Variants in TAMM41 observed in about 807,000 individuals in gnomAD.
The protein encoded by TAMM41 is phosphatidate cytidylyltransferase, mitochondrial.
Under a neutral mutation model 44.1 loss-of-function variants are expected in TAMM41, and 36 were observed. The ratio of observed to expected loss-of-function variants is 0.82; its 90% confidence interval spans 0.63 to 1.08. The LOEUF is 1.08. TAMM41 is among the 50% of genes least tolerant of loss of function. The pLI, the probability that TAMM41 is intolerant of heterozygous loss-of-function variation, is 0.00. For synonymous variants in TAMM41, 164 were observed against 153.1 expected, an observed-to-expected ratio of 1.07 and a Z score of -0.53; for missense variants, 417 against 404.3, an observed-to-expected ratio of 1.03 and a Z score of -0.27.
intron 7 of TAMM41, 100 bp from the exon 8 acceptor site, chr3:11,790,681 C>T (rs1160193228): frequency 9.9e-6 from 10 of 1,014,564 alleles, no homozygotes; most frequent in Non-Finnish European, 1.4e-5. Flanking sequence ...TGGAGGAGGG[C>T]AGTGAGGGGC....
chr3:11,817,486 CT>C, intron 4 of TAMM41, 149 bp from the exon 5 acceptor site: 1 of 742,820 alleles, frequency 1.3e-6, no homozygotes, highest in Non-Finnish European at 2.0e-6. Flanking sequence ...AACCTGGACA[CT>C]TTACCCCAAG....
At chr3:11,778,379 T>C in the TAMM41 span, among the ~76,000 whole-genome samples, 363 of 152,188 alleles carry the variant, frequency 2.4e-3, 1 homozygote, top group African/African-American at 8.3e-3. Context: ...CAGGCACACA[T>C]ACCAAACCCA....
the TAMM41 span, among the ~76,000 whole-genome samples, chr3:11,739,522 A>C: frequency 6.6e-6 from 1 of 152,134 alleles, no homozygotes; most frequent in African/African-American, 2.4e-5. Context: ...AAGATGCGTT[A>C]AGGGCTGGGT....
At chr3:11,739,529 G>A in the TAMM41 span, among the ~76,000 whole-genome samples, 3 of 152,056 alleles carry the variant, frequency 2.0e-5, no homozygotes, top group African/African-American at 7.2e-5. Context: ...GTTAAGGGCT[G>A]GGTGCGGTGG....
the TAMM41 span, among the ~76,000 whole-genome samples, chr3:11,762,253 C>T: frequency 6.6e-6 from 1 of 152,094 alleles, no homozygotes. Flanking sequence ...AAAGGGAAAC[C>T]CTCAAAGCAC....
In TAMM41 at chr3:11,844,130, A is replaced by G; in HGVS notation, c.217T>C (p.Tyr73His). 1.2e-6 allele frequency: 2 copies of G among 1,614,234 alleles called. No homozygotes were observed. Among genetic ancestry groups the G allele is most frequent in the Non-Finnish European group, 1.7e-6 (2 of 1,180,040 alleles). ...GGCCCTAAAACTTTTAGGAAAGAGT[A>G]GTGACTCCAATTTTTCTTCAGGTTC... ...SKNLKKNWSHYSFLKVLGPKI... is the reference protein window; with the variant it reads ...SKNLKKNWSHHSFLKVLGPKI... Residue 73 changes from tyrosine to histidine, a missense_variant, in exon 2 of 8, where the codon TAC (tyrosine) becomes CAC (histidine). By Grantham distance (83) the Tyr-to-His change is moderately conservative. Transcript: ENST00000455809.
the TAMM41 span, among the ~76,000 whole-genome samples, chr3:11,732,004 T>C: frequency 3.9e-5 from 6 of 152,022 alleles, no homozygotes; most frequent in African/African-American, 7.2e-5. Flanking sequence ...GTAGCTGGTA[T>C]TACAAGCATG....
chr3:11,826,389 C>T (rs976149225), intron 4 of TAMM41, among the ~76,000 whole-genome samples: 1 of 151,856 alleles, frequency 6.6e-6, no homozygotes, highest in Non-Finnish European at 1.5e-5. Flanking sequence ...ATTAGCCAGC[C>T]GTGGTGGCGT....
intron 3 of TAMM41, among the ~76,000 whole-genome samples, chr3:11,836,092 G>A (rs1363927747): frequency 6.6e-6 from 1 of 150,798 alleles, no homozygotes; most frequent in Non-Finnish European, 1.5e-5. Context: ...CCAAGTTCCA[G>A]CGATTCTCCT....
intron 4 of TAMM41, among the ~76,000 whole-genome samples, chr3:11,825,038 C>T (rs370902559): frequency 9.9e-5 from 15 of 151,962 alleles, no homozygotes; most frequent in Middle Eastern, 3.2e-3. Context: ...CCAGGAGTGA[C>T]GCCCACCACC....
chr3:11,754,129 C>T, the TAMM41 span, among the ~76,000 whole-genome samples: 3 of 152,098 alleles, frequency 2.0e-5, no homozygotes, highest in Admixed American at 6.6e-5. Flanking sequence ...CCCTGCTCCT[C>T]GGCTATGGAC....
rs768411757 is a variant in TAMM41, at chr3:11,829,789, C to A, written c.487G>T (p.Ala163Ser). 1.9e-6 allele frequency: 3 copies of A among 1,613,888 alleles called. No individual in the cohort carries two copies. The highest frequency in any genetic ancestry group is 2.5e-6 in the Non-Finnish European group (3 of 1,179,870). ...LDRNLKSAVT[A>S]AFLMLPESFS... Reference sequence around the variant, plus strand: ...CTTTCGGGGAGCATGAGGAAAGCAGCGGTCACAGCACTCTTCAGATTTCTA... The same window carrying A: ...CTTTCGGGGAGCATGAGGAAAGCAGAGGTCACAGCACTCTTCAGATTTCTA... The change falls in exon 4 of 8, where the codon GCT becomes TCT. Residue 163 changes from alanine (A) to serine (S), a missense_variant. Transcript: ENST00000455809.
the TAMM41 span, among the ~76,000 whole-genome samples, chr3:11,765,883 G>C: frequency 6.6e-6 from 1 of 151,930 alleles, no homozygotes; most frequent in Non-Finnish European, 1.5e-5. Flanking sequence ...TCTATTTTTA[G>C]TAGAGACTGG....
chr3:11,728,161 T>G, the TAMM41 span, among the ~76,000 whole-genome samples: 6 of 152,174 alleles, frequency 3.9e-5, no homozygotes, highest in African/African-American at 1.4e-4. Context: ...TTTATGTAGG[T>G]TTTATTTTTC....
chr3:11,812,024 C>T (rs761217413), intron 5 of TAMM41, among the ~76,000 whole-genome samples: 9 of 152,152 alleles, frequency 5.9e-5, no homozygotes, highest in Non-Finnish European at 1.0e-4. Flanking sequence ...ATCTCCTAGG[C>T]TCAAGTGATT....
chr3:11,829,867 G>A lies in TAMM41; in HGVS notation c.412-3C>T. The A allele has an allele frequency of 9.9e-6, 16 of 1,613,838 alleles. No homozygotes were observed. The highest frequency in any genetic ancestry group is 1.4e-5 in the Non-Finnish European group (16 of 1,179,922). On this transcript the variant is annotated splice_polypyrimidine_tract_variant and splice_region_variant and intron_variant, in intron 3 of 7. Coordinates refer to ENST00000455809, the MANE Select transcript of TAMM41 (RefSeq NM_001284401.2). ...TCGTTCACTGAGATAATTTTCACCT[G>A]AAAGAAGCAGAACATTGGGAAGAAA... is the stretch of plus-strand genomic sequence containing the variant.
chr3:11,807,930 A>C (rs770191264), intron 6 of TAMM41, 35 bp from the exon 7 acceptor site: 13 of 1,490,286 alleles, frequency 8.7e-6, no homozygotes, highest in Middle Eastern at 1.7e-4. Context: ...GACCAAAAAA[A>C]CCCAAAACAG....
chr3:11,729,538 C>CTTTTTTTTTTTTTTTTTTT, the TAMM41 span, among the ~76,000 whole-genome samples: 20 of 65,540 alleles, frequency 3.1e-4, 5 homozygotes, highest in African/African-American at 1.0e-3. Flanking sequence ...TTCTTTCTTT[C>CTTTTTTTTTTTTTTTTTTT]ATTTTTTTTT....
At chr3:11,777,618 ACT>A in the TAMM41 span, among the ~76,000 whole-genome samples, 1 of 152,046 alleles carries the variant, frequency 6.6e-6, no homozygotes, top group South Asian at 2.1e-4. Flanking sequence ...ACATGGTGAA[ACT>A]CTGTCTCTAC....
Sources: gnomAD v4.1 joint callset for allele counts (sites outside exome capture counted in the v4.1 genomes callset) on GRCh38, gnomAD v4.1.1 for gene constraint, MANE v1.5 for transcripts, NCBI Gene and HGNC (gene_info 2026-07-23, HGNC 2026-07-21) for gene names.